The following KCNJ6 variants were observed in gnomAD, a reference collection of about 807,000 sequenced individuals.
KCNJ6 encodes the protein potassium inwardly rectifying channel subfamily J member 6.
A neutral mutation model predicts 34.2 loss-of-function variants in KCNJ6; 9 were observed. The observed-to-expected ratio is 0.26, with a 90% CI of 0.16 to 0.46. The LOEUF (loss-of-function observed/expected upper bound fraction) is 0.46, where lower values mean the gene tolerates loss of function less well. Ranked by LOEUF, KCNJ6 falls within the 20% of genes least tolerant of loss-of-function variation. The pLI, the probability that KCNJ6 is intolerant of heterozygous loss-of-function variation, is 1.00. For synonymous variants in KCNJ6, 196 were observed against 207.1 expected (o/e 0.95, Z 0.46); for missense variants, 236 against 531.3 (o/e 0.44, Z 5.46).
chr21:37,776,010 A>G (rs1460613725), intron 2 of KCNJ6, among the ~76,000 whole-genome samples: 2 of 152,028 alleles, frequency 1.3e-5, no homozygotes, highest in East Asian at 1.9e-4. Context: ...ATTTGTTTGT[A>G]TCGTCTTTTA....
chr21:37,690,953 G>T (rs858012), intron 3 of KCNJ6, among the ~76,000 whole-genome samples: 152,252 of 152,252 alleles, frequency 1, 76,126 homozygotes, highest in Non-Finnish European at 1. Context: ...GGCTAAGTTT[G>T]GTATTTTTAG....
At chr21:37,832,357 A>G (rs888380324) in intron 2 of KCNJ6, among the ~76,000 whole-genome samples, 1 of 151,894 alleles carries the variant, frequency 6.6e-6, no homozygotes, top group African/African-American at 2.4e-5. Context: ...AGCACCTTAA[A>G]GACCATATAC....
At position 37,623,241 on chromosome 21, in the gene KCNJ6, C is replaced by A. The variant is rs544992491; in HGVS notation, c.*1918G>T. The A allele has an allele frequency of 6.6e-6, 1 of 152,350 alleles. No individual in the cohort carries two copies. Among genetic ancestry groups the A allele is most frequent in the South Asian group, 2.1e-4 (1 of 4,822 alleles). 9.4% of individuals were successfully genotyped at this position (152,350 alleles called of 1,614,324 possible). ...GAGGCCCCGAGGTTATATTTAGGAGCCACTTTCCTTATCCTGGGACTTCTT... is the reference window on the plus strand; with the variant it reads ...GAGGCCCCGAGGTTATATTTAGGAGACACTTTCCTTATCCTGGGACTTCTT... On this transcript the variant is annotated 3_prime_UTR_variant, in exon 4 of 4. Coordinates refer to ENST00000609713, the MANE Select transcript of KCNJ6 (RefSeq NM_002240.5).
chr21:37,621,269 A>C lies in KCNJ6; in HGVS notation c.*3890T>G, dbSNP rs1195201519. On this transcript the variant is annotated 3_prime_UTR_variant, in exon 4 of 4. Transcript: ENST00000609713. ...CAAACTGTTTTGGAAATGATTTACT[A>C]TGAGTATTTTAATTGTATTCTCTCA... The C allele has an allele frequency of 6.6e-6, 1 of 152,220 alleles. No homozygotes were observed. Among genetic ancestry groups the C allele is most frequent in the Non-Finnish European group, 1.5e-5 (1 of 68,034 alleles). 9.4% of individuals were successfully genotyped at this position (152,220 alleles called of 1,614,324 possible).
intron 1 of KCNJ6, among the ~76,000 whole-genome samples, chr21:37,853,763 G>A (rs1029473597): frequency 5.4e-5 from 8 of 148,802 alleles, no homozygotes; most frequent in South Asian, 2.1e-4. Context: ...GAAGGGAAAC[G>A]AATGTAAAGG....
chr21:37,690,284 C>T (rs150162733), intron 3 of KCNJ6, among the ~76,000 whole-genome samples: 5 of 152,278 alleles, frequency 3.3e-5, no homozygotes, highest in African/African-American at 1.2e-4. Context: ...CTGACAATAA[C>T]GATTCCTCCT....
At chr21:37,696,592 C>T (rs1443845828) in intron 3 of KCNJ6, among the ~76,000 whole-genome samples, 1 of 152,008 alleles carries the variant, frequency 6.6e-6, no homozygotes. Context: ...AAAGTACGAC[C>T]TGGGATTTCC....
intron 2 of KCNJ6, among the ~76,000 whole-genome samples, chr21:37,794,048 CAT>C (rs2055229698): frequency 1.3e-5 from 2 of 152,216 alleles, no homozygotes; most frequent in South Asian, 4.1e-4. Context: ...GAAACACTCA[CAT>C]ATATGTGTGT....
intron 2 of KCNJ6, among the ~76,000 whole-genome samples, chr21:37,806,989 T>C (rs757186276): frequency 6.6e-6 from 1 of 152,248 alleles, no homozygotes; most frequent in Non-Finnish European, 1.5e-5. Flanking sequence ...TTCAATAGGA[T>C]ATGCAAACCA....
intron 2 of KCNJ6, among the ~76,000 whole-genome samples, chr21:37,766,721 C>T (rs920493543): frequency 3.9e-5 from 6 of 152,150 alleles, no homozygotes; most frequent in Admixed American, 1.3e-4. Flanking sequence ...GTCCCCAAAC[C>T]GTGGGCCATG....
At chr21:37,647,047 G>A (rs1177618649) in intron 3 of KCNJ6, among the ~76,000 whole-genome samples, 2 of 152,112 alleles carry the variant, frequency 1.3e-5, no homozygotes, top group African/African-American at 4.8e-5. Context: ...GGATCAGAGC[G>A]ACGGGGAGGG....
intron 1 of KCNJ6, among the ~76,000 whole-genome samples, chr21:37,862,380 C>G (rs1386983552): frequency 6.6e-6 from 1 of 152,236 alleles, no homozygotes; most frequent in African/African-American, 2.4e-5. Context: ...CACCTTTATA[C>G]ACACAGGCAT....
intron 3 of KCNJ6, among the ~76,000 whole-genome samples, chr21:37,648,347 C>A (rs1441215273): frequency 6.6e-6 from 1 of 152,158 alleles, no homozygotes; most frequent in African/African-American, 2.4e-5. Flanking sequence ...GCTGGCTGAA[C>A]TCTTGGACTT....
chr21:37,859,624 T>TAGTTGTACTGTATCTC (rs2055584939), intron 1 of KCNJ6, among the ~76,000 whole-genome samples: 1 of 150,214 alleles, frequency 6.7e-6, no homozygotes, highest in South Asian at 2.1e-4. Context: ...AAGCTAATGG[T>TAGTTGTACTGTATCTC]AGTTGTACTG....
At chr21:37,907,022 G>C (rs762507209) in intron 1 of KCNJ6, among the ~76,000 whole-genome samples, 1 of 152,194 alleles carries the variant, frequency 6.6e-6, no homozygotes, top group Non-Finnish European at 1.5e-5. Flanking sequence ...TATGTTAGTA[G>C]CACTATATTT....
intron 2 of KCNJ6, among the ~76,000 whole-genome samples, chr21:37,821,215 T>C (rs561112250): frequency 1.3e-5 from 2 of 152,326 alleles, no homozygotes; most frequent in African/African-American, 4.8e-5. Context: ...TAGGTGAATT[T>C]CACATAACAA....
chr21:37,913,356 A>G (rs2055876063), intron 1 of KCNJ6, among the ~76,000 whole-genome samples: 2 of 152,242 alleles, frequency 1.3e-5, no homozygotes, highest in Non-Finnish European at 2.9e-5. Flanking sequence ...AACCTAGGAA[A>G]TGTAGCCACC....
At chr21:37,769,412 TTTATTA>T (rs71198893) in intron 2 of KCNJ6, among the ~76,000 whole-genome samples, 52,657 of 145,128 alleles carry the variant, frequency 0.36, 9,886 homozygotes, top group African/African-American at 0.46. Context: ...AGCCTTCAAT[TTTATTA>T]TTATTATTAT....
intron 2 of KCNJ6, among the ~76,000 whole-genome samples, chr21:37,734,475 G>T (rs1218534562): frequency 6.6e-6 from 1 of 152,144 alleles, no homozygotes; most frequent in Non-Finnish European, 1.5e-5. Flanking sequence ...TCTATAAATT[G>T]ATCTGTCTTA....
Sources: allele counts gnomAD v4.1 joint callset (sites outside exome capture counted in the v4.1 genomes callset), GRCh38; gene constraint gnomAD v4.1.1; transcripts MANE v1.5; gene names NCBI Gene and HGNC (gene_info 2026-07-23, HGNC 2026-07-21).